Variants in RBM33 observed in about 807,000 individuals in gnomAD.
RBM33 encodes the protein RNA binding motif protein 33.
In RBM33, 28 loss-of-function variants were observed where a neutral mutation model predicts 132.6. The ratio of observed to expected loss-of-function variants is 0.21; its 90% CI spans 0.16 to 0.29. The LOEUF is 0.29. Among genes scored for constraint, RBM33 ranks in the 10% least tolerant of loss-of-function variants. The pLI is 1.00. For synonymous variants in RBM33, 634 were observed against 593.0 expected (o/e 1.07, Z -1.01); for missense variants, 1,291 against 1,518.5 (o/e 0.85, Z 2.49).
At position 155,690,421 on chromosome 7, in the gene RBM33, C is replaced by T. The variant is rs192338776; in HGVS notation, c.567+9513C>T. ...ACAGTGAGGGGTCTTGACTCTACCCCGTTCGCCAGTCTGTGTCTTTTAATT... is the reference window on the plus strand; with the variant it reads ...ACAGTGAGGGGTCTTGACTCTACCCTGTTCGCCAGTCTGTGTCTTTTAATT... On this transcript the variant is annotated intron_variant, in intron 5 of 17. Transcript: ENST00000401878. Among the ~76,000 whole-genome samples the T allele has an allele frequency of 5.2e-4, 79 of 151,910 alleles. 1 individual carries two copies. The highest frequency in any genetic ancestry group is 1.0e-3 in the South Asian group (5 of 4,812).
chr7:155,737,498 C>A (rs748821310), intron 9 of RBM33, 32 bp from the exon 10 acceptor site: 4 of 1,551,552 alleles, frequency 2.6e-6, no homozygotes, highest in East Asian at 4.6e-5. Context: ...TGTCCTTCAC[C>A]CTGTTTCTCT....
At chr7:155,762,164 A>G (rs1644848229) in intron 14 of RBM33, among the ~76,000 whole-genome samples, 1 of 152,218 alleles carries the variant, frequency 6.6e-6, no homozygotes, top group Admixed American at 6.5e-5. Flanking sequence ...GGGAGAGCCC[A>G]TCTAGGCCTT....
chr7:155,656,850 A>G (rs762496491), intron 1 of RBM33, among the ~76,000 whole-genome samples: 2 of 152,064 alleles, frequency 1.3e-5, no homozygotes, highest in Non-Finnish European at 2.9e-5. Flanking sequence ...TGTCTTCTTT[A>G]CCCTCCTGCT....
At chr7:155,693,330 TTC>T (rs1799699439) in intron 5 of RBM33, among the ~76,000 whole-genome samples, 1 of 85,308 alleles carries the variant, frequency 1.2e-5, no homozygotes, top group African/African-American at 3.4e-5. Context: ...TGATTTTTTT[TTC>T]TTTTTTTTTT....
At chr7:155,710,988 A>G (rs1054640271) in intron 7 of RBM33, among the ~76,000 whole-genome samples, 59 of 150,338 alleles carry the variant, frequency 3.9e-4, no homozygotes, top group African/African-American at 1.2e-3. Context: ...CTCAATTGTG[A>G]GACTGTAGCC....
Position 155,775,363 on chromosome 7 carries a change from T to A in RBM33, c.*322T>A, listed in dbSNP as rs1802572159. ...CTTTGTGGTCTGACTCTATGATCGA[T>A]CACAGTGACTTAGATTCAGGAAAGA... On this transcript the variant is annotated 3_prime_UTR_variant, in exon 18 of 18. Coordinates refer to ENST00000401878, the MANE Select transcript of RBM33 (RefSeq NM_053043.3). 1 of 482,790 alleles carries A rather than the reference T, an allele frequency of 2.1e-6. No homozygotes were observed. The allele number at this position is 482,790 out of a possible 1,614,324, so 29.9% of individuals were successfully genotyped here. A position where few individuals can be genotyped will look rare whatever the true frequency, so the allele number is the denominator to read the frequency against.
intron 8 of RBM33, among the ~76,000 whole-genome samples, chr7:155,716,039 A>C (rs1490175467): frequency 6.6e-6 from 1 of 152,260 alleles, no homozygotes; most frequent in Non-Finnish European, 1.5e-5. Context: ...TGAATTGAAA[A>C]CAGTCCATTA....
intron 1 of RBM33, 88 bp from the exon 2 acceptor site, chr7:155,665,087 C>G: frequency 9.6e-7 from 1 of 1,037,926 alleles, no homozygotes; most frequent in Non-Finnish European, 1.5e-6. Context: ...AGTCAGGAAT[C>G]CTTAAAAAAG....
intron 1 of RBM33, among the ~76,000 whole-genome samples, chr7:155,650,541 C>T (rs1798326227): frequency 7.5e-6 from 1 of 133,352 alleles, no homozygotes; most frequent in Admixed American, 7.2e-5. Context: ...GGGAGACTGA[C>T]TTACTGTTTT....
At chr7:155,650,046 TTCC>T (rs1199650073) in intron 1 of RBM33, among the ~76,000 whole-genome samples, 1 of 152,242 alleles carries the variant, frequency 6.6e-6, no homozygotes, top group Non-Finnish European at 1.5e-5. Flanking sequence ...TTCATATATT[TTCC>T]TCCTCAGCCT....
At position 155,775,162 on chromosome 7, in the gene RBM33, C is replaced by T. The variant is rs1372654430; in HGVS notation, c.*121C>T. On this transcript the variant is annotated 3_prime_UTR_variant, in exon 18 of 18. Transcript: ENST00000401878. ...CTCTCCGGGCCGCTGTCCTGCGTAA[C>T]TGTTCTCCAGAGCGCCAGCCAGCCA... 7 of 898,448 alleles carry T rather than the reference C, an allele frequency of 7.8e-6. No homozygotes were observed. Among genetic ancestry groups the T allele is most frequent in the Admixed American group, 1.9e-5 (1 of 52,454 alleles). The allele number at this position is 898,448 out of a possible 1,614,324, so 55.7% of individuals were successfully genotyped here. A position where few individuals can be genotyped will look rare whatever the true frequency, so the allele number is the denominator to read the frequency against.
rs774716053 is a variant in RBM33, at chr7:155,757,655, AG to A, written c.2980-6154del. On this transcript the variant is annotated intron_variant, in intron 14 of 17. Transcript: ENST00000401878. ...ATGAGGATACTACTACTTACCTCTTAGGGAGGTGTATTAGGCAGTTCTTGCA... is the reference window on the plus strand; with the variant it reads ...ATGAGGATACTACTACTTACCTCTTAGGAGGTGTATTAGGCAGTTCTTGCA... 7.9e-5 allele frequency among the ~76,000 whole-genome samples: 12 copies of A among 152,220 alleles called. No individual in the cohort carries two copies. In the Middle Eastern group the frequency reaches 0.01, roughly 129 times the overall value.
rs372610014 is a variant in RBM33 at position 155,741,978 on chromosome 7, A to G, written c.2209A>G (p.Ile737Val). The G allele has an allele frequency of 1.1e-3, 1,785 of 1,613,990 alleles. 25 individuals are homozygous for G. In the South Asian group the frequency reaches 0.017, roughly 15 times the overall value. ...SATPSAQVKPIVSASPPSRAV... is the reference protein window; with the variant it reads ...SATPSAQVKPVVSASPPSRAV... Reference sequence around the variant, plus strand: ...CACGCCCTCAGCACAAGTGAAACCTATCGTCAGCGCGTCACCACCCTCGCG... The same window carrying G: ...CACGCCCTCAGCACAAGTGAAACCTGTCGTCAGCGCGTCACCACCCTCGCG... Residue 737 changes from isoleucine (I) to valine (V), a missense_variant, in exon 13 of 18, where the codon ATC becomes GTC. Physicochemically the swap from Ile to Val is conservative, Grantham distance 29. Coordinates refer to ENST00000401878, the MANE Select transcript of RBM33 (RefSeq NM_053043.3).
chr7:155,645,586 C>T (rs1798163438), intron 1 of RBM33, among the ~76,000 whole-genome samples: 1 of 151,966 alleles, frequency 6.6e-6, no homozygotes, highest in South Asian at 2.1e-4. Context: ...TTCTTGTTTG[C>T]AAGCATAAAC....
intron 3 of RBM33, among the ~76,000 whole-genome samples, chr7:155,677,353 C>T (rs1456904230): frequency 7.2e-5 from 11 of 151,984 alleles, no homozygotes; most frequent in African/African-American, 2.4e-4. Context: ...GGACTACAGG[C>T]GCCCCTCACC....
chr7:155,735,268 A>G (rs191415529), intron 9 of RBM33, among the ~76,000 whole-genome samples: 1 of 152,342 alleles, frequency 6.6e-6, no homozygotes, highest in Admixed American at 6.5e-5. Flanking sequence ...TTAAAACAAG[A>G]GGAAAAAACT....
At chr7:155,676,600 G>T (rs1433335324) in intron 3 of RBM33, among the ~76,000 whole-genome samples, 2 of 152,186 alleles carry the variant, frequency 1.3e-5, no homozygotes. Flanking sequence ...TGGAAAGATT[G>T]AGAGAAAGGA....
At chr7:155,645,181 C>T (rs751304472) in intron 1 of RBM33, 20 of 395,230 alleles carry the variant, frequency 5.1e-5, no homozygotes, top group Non-Finnish European at 7.2e-5. Context: ...AAGTGTCAGG[C>T]CCATCTCTGG....
intron 3 of RBM33, among the ~76,000 whole-genome samples, chr7:155,673,191 T>TA (rs1052958986): frequency 1.6e-4 from 24 of 152,162 alleles, no homozygotes; most frequent in African/African-American, 5.6e-4. Context: ...AACATAGAGT[T>TA]ATTCCTTGCC....
Sources: gnomAD v4.1 joint callset for allele counts (sites outside exome capture counted in the v4.1 genomes callset) on GRCh38, gnomAD v4.1.1 for gene constraint, MANE v1.5 for transcripts, NCBI Gene and HGNC (gene_info 2026-07-23, HGNC 2026-07-21) for gene names.